Variants in LUZP2 observed in about 807,000 individuals in gnomAD.
The protein encoded by LUZP2 is leucine zipper protein 2.
Under a neutral mutation model 51.6 loss-of-function variants are expected in LUZP2, and 52 were observed. That is an observed-to-expected ratio of 1.01 (90% CI 0.81 to 1.27). The LOEUF (loss-of-function observed/expected upper bound fraction) is 1.27. Ranked by LOEUF, LUZP2 falls within the 50% of genes most tolerant of loss-of-function variation. The probability of loss-of-function intolerance (pLI) is 0.00; values close to 1 mark genes in which losing one functional copy is unlikely to be tolerated. For synonymous variants in LUZP2, 154 were observed against 137.3 expected (o/e 1.12, Z -0.85); for missense variants, 436 against 395.4 (o/e 1.10, Z -0.87).
In LUZP2 at chr11:24,738,117, A is replaced by G. The variant is rs867323052; in HGVS notation, c.252-104A>G. 1.2e-4 allele frequency: 80 copies of G among 688,538 alleles called. No homozygotes were observed. The Middle Eastern group carries it at 2.1e-3, about 18-fold the overall frequency. 42.7% of individuals were successfully genotyped at this position (688,538 alleles called of 1,614,324 possible). ...TGGCTTTATGCACTTCTAGTTGTCTATGTCCTAAATGTATACAGCAAAGCT... is the reference window on the plus strand; with the variant it reads ...TGGCTTTATGCACTTCTAGTTGTCTGTGTCCTAAATGTATACAGCAAAGCT... On this transcript the variant is annotated intron_variant, in intron 3 of 11. Coordinates refer to ENST00000336930, the MANE Select transcript of LUZP2 (RefSeq NM_001009909.4).
chr11:24,933,593 C>T (rs1028528096), intron 7 of LUZP2, among the ~76,000 whole-genome samples: 8 of 152,090 alleles, frequency 5.3e-5, no homozygotes, highest in Non-Finnish European at 1.2e-4. Context: ...TCAATGGATG[C>T]ATTTCAGGAA....
At chr11:25,031,841 A>G (rs1052680134) in intron 9 of LUZP2, among the ~76,000 whole-genome samples, 1 of 152,320 alleles carries the variant, frequency 6.6e-6, no homozygotes, top group Non-Finnish European at 1.5e-5. Context: ...TCTTGGATGT[A>G]TAAGTTATTT....
intron 9 of LUZP2, among the ~76,000 whole-genome samples, chr11:25,024,403 G>A (rs1478373116): frequency 5.3e-5 from 8 of 152,046 alleles, no homozygotes; most frequent in African/African-American, 1.7e-4. Flanking sequence ...AAACCCCATC[G>A]TCTCAGCCCA....
At chr11:24,498,877 C>T (rs1392755517) in intron 1 of LUZP2, among the ~76,000 whole-genome samples, 2 of 152,174 alleles carry the variant, frequency 1.3e-5, no homozygotes, top group African/African-American at 2.4e-5. Flanking sequence ...ATCCAGCCCA[C>T]AGTGATTTTA....
At chr11:24,766,229 AT>A (rs897865952) in intron 5 of LUZP2, among the ~76,000 whole-genome samples, 34 of 151,052 alleles carry the variant, frequency 2.3e-4, no homozygotes, top group African/African-American at 4.6e-4. Flanking sequence ...TTCTCTTTAT[AT>A]TTTTTTTTAT....
In LUZP2 at chr11:24,534,082, T is replaced by C. The variant is rs567803557; in HGVS notation, c.62+36777T>C. On this transcript the variant is annotated intron_variant, in intron 1 of 11. Transcript: ENST00000336930. The stretch of plus-strand genomic sequence containing the variant: ...AAATGATAAATAAATTGTTTCCCTT[T>C]GTATTTACAATTTGTTGAATCCAGG... Among the ~76,000 whole-genome samples the C allele has an allele frequency of 5.9e-5, 9 of 151,474 alleles. No homozygotes were observed. The South Asian group carries it at 1.9e-3, about 31-fold the overall frequency.
At chr11:24,752,805 A>G (rs1281965934) in intron 4 of LUZP2, among the ~76,000 whole-genome samples, 1 of 152,148 alleles carries the variant, frequency 6.6e-6, no homozygotes, top group Non-Finnish European at 1.5e-5. Context: ...CCAAAGTTCC[A>G]ATGTATTAGA....
chr11:25,030,901 A>AATATATATTGTATTATATATG, intron 9 of LUZP2, among the ~76,000 whole-genome samples: 2 of 46,962 alleles, frequency 4.3e-5, no homozygotes, highest in East Asian at 6.6e-4. Context: ...TTATATATAT[A>AATATATATTGTATTATATATG]TATAATATAT....
chr11:24,932,935 C>T (rs769252105), intron 7 of LUZP2, among the ~76,000 whole-genome samples: 1 of 152,156 alleles, frequency 6.6e-6, no homozygotes, highest in Non-Finnish European at 1.5e-5. Flanking sequence ...CCCAAGGACC[C>T]CTGTGAGACC....
chr11:24,626,473 C>T (rs1399707019), intron 1 of LUZP2, among the ~76,000 whole-genome samples: 3 of 152,148 alleles, frequency 2.0e-5, no homozygotes, highest in African/African-American at 7.2e-5. Flanking sequence ...ACATTTTCCT[C>T]CTCTAGATAT....
chr11:24,886,350 G>A (rs1232581593), intron 5 of LUZP2, among the ~76,000 whole-genome samples: 1 of 152,016 alleles, frequency 6.6e-6, no homozygotes, highest in East Asian at 1.9e-4. Context: ...GATTCAGTTT[G>A]GTCTTTTTCT....
At chr11:24,830,225 A>G (rs1465679469) in intron 5 of LUZP2, among the ~76,000 whole-genome samples, 1 of 152,220 alleles carries the variant, frequency 6.6e-6, no homozygotes, top group Admixed American at 6.5e-5. Flanking sequence ...ATTATATTTC[A>G]CATTTAAAGC....
chr11:24,640,663 G>A (rs900502392), intron 1 of LUZP2, among the ~76,000 whole-genome samples: 6 of 151,854 alleles, frequency 4.0e-5, no homozygotes, highest in African/African-American at 1.5e-4. Context: ...GTTAGAAAAT[G>A]GTAGGATTGC....
chr11:24,739,353 G>A lies in LUZP2; in HGVS notation c.333+1051G>A, dbSNP rs1405192647. Among the ~76,000 whole-genome samples, 2 of 152,004 alleles carry A rather than the reference G, an allele frequency of 1.3e-5. 1 individual carries two copies. The highest frequency in any genetic ancestry group is 1.3e-4 in the Admixed American group (2 of 15,220). On this transcript the variant is annotated intron_variant, in intron 4 of 11. Transcript: ENST00000336930. ...AGGTGATTAGGGCAACTCCACAGTGGCCTGAGATAATAAAAGGGGGGCAGT... is the reference window on the plus strand; with the variant it reads ...AGGTGATTAGGGCAACTCCACAGTGACCTGAGATAATAAAAGGGGGGCAGT...
intron 1 of LUZP2, among the ~76,000 whole-genome samples, chr11:24,516,733 TA>T (rs1850475664): frequency 6.6e-6 from 1 of 152,100 alleles, no homozygotes; most frequent in Non-Finnish European, 1.5e-5. Context: ...TAGTCATTTG[TA>T]ATATTTTACA....
intron 7 of LUZP2, among the ~76,000 whole-genome samples, chr11:24,932,076 G>A (rs1014383860): frequency 2.6e-5 from 4 of 152,180 alleles, no homozygotes; most frequent in African/African-American, 9.7e-5. Context: ...CTGCTGCTGG[G>A]AAGTGTCTGT....
intron 1 of LUZP2, among the ~76,000 whole-genome samples, chr11:24,593,030 T>C (rs1853312872): frequency 6.6e-6 from 1 of 152,096 alleles, no homozygotes; most frequent in African/African-American, 2.4e-5. Context: ...CTCGATTCTT[T>C]CTTTCCCCAT....
chr11:24,742,053 A>C (rs1026826946), intron 4 of LUZP2, among the ~76,000 whole-genome samples: 1 of 108,546 alleles, frequency 9.2e-6, no homozygotes, highest in African/African-American at 3.4e-5. Context: ...AAAAATAAAT[A>C]TAATTATATA....
Position 24,912,115 on chromosome 11 carries a change from G to A in LUZP2, c.460-2361G>A, listed in dbSNP as rs182257470. Among the ~76,000 whole-genome samples the A allele has an allele frequency of 4.5e-4, 67 of 150,106 alleles. No individual in the cohort carries two copies. In the South Asian group the frequency reaches 9.1e-3, roughly 20 times the overall value. On this transcript the variant is annotated intron_variant, in intron 6 of 11. Transcript: ENST00000336930. ...CTTTCGTTTCCTTTCTTTTCCTTTC[G>A]TTTCCTTTCCTTTCCTTCCTTTTTC...
Sources: gnomAD v4.1 joint callset for allele counts (sites outside exome capture counted in the v4.1 genomes callset) on GRCh38, gnomAD v4.1.1 for gene constraint, MANE v1.5 for transcripts, NCBI Gene and HGNC (gene_info 2026-07-23, HGNC 2026-07-21) for gene names.